The following CA13 variants were observed in gnomAD, a reference collection of about 807,000 sequenced individuals.
CA13 encodes CA-XIII.
CA13 carries 21 observed loss-of-function variants against 31.5 expected under a neutral mutation model. The observed-to-expected ratio is 0.67, with a 90% CI of 0.47 to 0.96. The LOEUF (loss-of-function observed/expected upper bound fraction) is 0.96, where lower values mean the gene tolerates loss of function less well. Ranked by LOEUF, CA13 falls within the 40% of genes least tolerant of loss-of-function variation. CA13 has a pLI of 0.00. For synonymous variants in CA13, 117 were observed against 111.4 expected (o/e 1.05, Z -0.32); for missense variants, 315 against 318.9 (o/e 0.99, Z 0.09).
chr8:85,253,289 A>G (rs976820041), intron 2 of CA13, among the ~76,000 whole-genome samples: 7 of 150,254 alleles, frequency 4.7e-5, no homozygotes, highest in African/African-American at 1.7e-4. Flanking sequence ...TTTTGAGACA[A>G]GGTCTCGCTC....
chr8:85,267,593 A>G (rs1262597581), intron 4 of CA13, among the ~76,000 whole-genome samples: 1 of 152,128 alleles, frequency 6.6e-6, no homozygotes, highest in East Asian at 1.9e-4. Flanking sequence ...GTCTTATGCA[A>G]AGTTTCTCTC....
chr8:85,276,927 T>C (rs1807619980), intron 6 of CA13, among the ~76,000 whole-genome samples: 1 of 152,174 alleles, frequency 6.6e-6, no homozygotes. Flanking sequence ...ACCCTGTGTC[T>C]AGCTCAGGGT....
chr8:85,265,614 T>C (rs547984750), intron 3 of CA13, among the ~76,000 whole-genome samples: 1 of 151,942 alleles, frequency 6.6e-6, no homozygotes, highest in African/African-American at 2.4e-5. Context: ...TACCTCTTTT[T>C]CCCCCATTGA....
intron 6 of CA13, among the ~76,000 whole-genome samples, chr8:85,275,536 G>C (rs375264861): frequency 6.6e-6 from 1 of 152,108 alleles, no homozygotes; most frequent in African/African-American, 2.4e-5. Context: ...CTTGGGAAGC[G>C]ATACGTCTGC....
At position 85,253,546 on chromosome 8, in the gene CA13, C is replaced by G. The variant is rs375424014; in HGVS notation, c.235+2609C>G. 1.5e-3 allele frequency among the ~76,000 whole-genome samples: 232 copies of G among 152,302 alleles called. 1 individual carries two copies. Among genetic ancestry groups the G allele is most frequent in the South Asian group, 9.5e-3 (46 of 4,832 alleles). ...TCCCAAAGTGCTGGGAGCCACCACA[C>G]TGGCCTAAGTAGTACATTTTCATCA... On this transcript the variant is annotated intron_variant, in intron 2 of 6. Coordinates refer to ENST00000321764, the MANE Select transcript of CA13 (RefSeq NM_198584.3).
At chr8:85,262,876 G>GTCTC (rs1275917756) in intron 3 of CA13, among the ~76,000 whole-genome samples, 2 of 152,106 alleles carry the variant, frequency 1.3e-5, no homozygotes, top group East Asian at 1.9e-4. Flanking sequence ...TCTAGGTTGA[G>GTCTC]ATAGGAAATG....
At chr8:85,251,629 AG>A (rs1259888006) in intron 2 of CA13, among the ~76,000 whole-genome samples, 2 of 11,618 alleles carry the variant, frequency 1.7e-4, no homozygotes, top group African/African-American at 1.4e-3. Flanking sequence ...ATGCCATTTA[AG>A]TACCTGCTTT....
rs1193328515 is a variant in CA13 at position 85,250,799 on chromosome 8, G to C, written c.97G>C (p.Glu33Gln). The change falls in exon 2 of 7, where the codon GAG becomes CAG. Residue 33 changes from glutamate to glutamine, a missense_variant. Physicochemically the swap from Glu to Gln is conservative, Grantham distance 29 (BLOSUM62 2). Coordinates refer to ENST00000321764, the MANE Select transcript of CA13 (RefSeq NM_198584.3). The stretch of plus-strand genomic sequence containing the variant: ...TGATGGTGATCAGCAATCTCCAATT[G>C]AGATTAAAACCAAAGAAGTGAAATA... ...IADGDQQSPI[E>Q]IKTKEVKYDS... 1 of 1,613,890 alleles carries C rather than the reference G, an allele frequency of 6.2e-7. No homozygotes were observed. The highest frequency in any genetic ancestry group is 1.3e-5 in the African/African-American group (1 of 74,978).
At chr8:85,255,370 CT>C (rs1422171782) in intron 2 of CA13, among the ~76,000 whole-genome samples, 2 of 151,796 alleles carry the variant, frequency 1.3e-5, no homozygotes, top group African/African-American at 4.8e-5. Flanking sequence ...TCAAGTGATT[CT>C]TCCACCTCAG....
intron 6 of CA13, among the ~76,000 whole-genome samples, chr8:85,277,777 T>C (rs370822655): frequency 5.3e-5 from 8 of 152,194 alleles, no homozygotes; most frequent in East Asian, 1.9e-4. Flanking sequence ...GTTTTATAGT[T>C]CTCTGTAAAC....
At chr8:85,268,257 G>A (rs1807482267) in intron 5 of CA13, among the ~76,000 whole-genome samples, 1 of 152,022 alleles carries the variant, frequency 6.6e-6, no homozygotes, top group South Asian at 2.1e-4. Context: ...CAAACCTTAT[G>A]CTTCTTAAAT....
chr8:85,246,635 A>T (rs1462567435), intron 1 of CA13: 1 of 384,230 alleles, frequency 2.6e-6, no homozygotes, highest in Non-Finnish European at 5.2e-6. Flanking sequence ...TATATCACAC[A>T]TTATCAAAAG....
intron 1 of CA13, among the ~76,000 whole-genome samples, chr8:85,246,715 G>A (rs188642265): frequency 6.6e-6 from 1 of 152,014 alleles, no homozygotes; most frequent in Admixed American, 6.5e-5. Flanking sequence ...TGAAATAATC[G>A]CAGTGACACC....
intron 6 of CA13, among the ~76,000 whole-genome samples, chr8:85,280,835 T>G (rs980440010): frequency 1.3e-5 from 2 of 152,178 alleles, no homozygotes; most frequent in African/African-American, 4.8e-5. Context: ...ATATACTAAG[T>G]GAAAAAATTA....
intron 2 of CA13, among the ~76,000 whole-genome samples, chr8:85,255,291 C>A (rs1427560348): frequency 1.3e-5 from 2 of 149,524 alleles, no homozygotes; most frequent in Admixed American, 1.3e-4. Flanking sequence ...AAGACAAGAT[C>A]TCACTCTGTC....
intron 2 of CA13, among the ~76,000 whole-genome samples, chr8:85,255,585 T>C (rs1807279322): frequency 6.6e-6 from 1 of 152,050 alleles, no homozygotes; most frequent in South Asian, 2.1e-4. Flanking sequence ...GCCATGTTGG[T>C]CAAGCTGATC....
At chr8:85,265,476 G>T (rs1564002816) in intron 3 of CA13, among the ~76,000 whole-genome samples, 1 of 152,102 alleles carries the variant, frequency 6.6e-6, no homozygotes, top group Non-Finnish European at 1.5e-5. Flanking sequence ...GTTGCATAAG[G>T]CCGCTGCATA....
chr8:85,258,759 CAAAAAAAAAAA>C lies in CA13; in HGVS notation c.236-643_236-633del, dbSNP rs33933991. ...ATAACATAGTGAGGCCCTGTCTCTACAAAAAAAAAAAAAAAAAAAAAAAAAAAAAGGGCTGA... is the reference window on the plus strand; with the variant it reads ...ATAACATAGTGAGGCCCTGTCTCTACAAAAAAAAAAAAAAAAAAGGGCTGA... On this transcript the variant is annotated intron_variant, in intron 2 of 6. Transcript: ENST00000321764. Among the ~76,000 whole-genome samples the C allele has an allele frequency of 1.6e-4, 7 of 43,478 alleles. No individual in the cohort carries two copies. In the South Asian group the frequency reaches 5.2e-3, roughly 32 times the overall value. 28.5% of individuals were successfully genotyped at this position (43,478 alleles called of 152,430 possible).
Position 85,245,659 on chromosome 8 carries a change from C to A in CA13, c.-170C>A, listed in dbSNP as rs1813709348. 1 of 709,094 alleles carries A rather than the reference C, an allele frequency of 1.4e-6. No homozygotes were observed. Among genetic ancestry groups the A allele is most frequent in the Non-Finnish European group, 2.4e-6 (1 of 413,058 alleles). The allele number at this position is 709,094 out of a possible 1,614,324, so 43.9% of individuals were successfully genotyped here. A position where few individuals can be genotyped will look rare whatever the true frequency, so the allele number is the denominator to read the frequency against. ...GGGCGCCTTCCCCGCACGCCTCTGC[C>A]GTCTGGAGGACGCAGGCGGGAGCGC... is the stretch of plus-strand genomic sequence containing the variant. On this transcript the variant is annotated 5_prime_UTR_variant, in exon 1 of 7. Transcript: ENST00000321764.
Sources: gnomAD v4.1 joint callset for allele counts (sites outside exome capture counted in the v4.1 genomes callset) on GRCh38, gnomAD v4.1.1 for gene constraint, MANE v1.5 for transcripts, NCBI Gene and HGNC (gene_info 2026-07-23, HGNC 2026-07-21) for gene names.